The following ATP6V1E1 variants were observed in gnomAD, a reference collection of about 807,000 sequenced individuals.
ATP6V1E1 encodes the protein V-type proton ATPase subunit E 1.
A neutral mutation model predicts 35.2 loss-of-function variants in ATP6V1E1; 21 were observed. The observed-to-expected ratio is 0.60, with a 90% confidence interval of 0.42 to 0.86. The LOEUF (loss-of-function observed/expected upper bound fraction) is 0.86, where lower values mean the gene tolerates loss of function less well. Among genes scored for constraint, ATP6V1E1 ranks in the 40% least tolerant of loss-of-function variants. ATP6V1E1 has a pLI of 0.00. For synonymous variants in ATP6V1E1, 83 were observed against 87.8 expected (o/e 0.95, Z 0.30); for missense variants, 183 against 272.6 (o/e 0.67, Z 2.32).
chr22:17,609,964 A>T (rs9617601), intron 4 of ATP6V1E1, among the ~76,000 whole-genome samples: 10,687 of 152,162 alleles, frequency 0.07, 1,261 homozygotes, highest in African/African-American at 0.24. Context: ...TATCTATGCC[A>T]CTTCAAATTT....
chr22:17,593,186 C>T (rs74684242), intron 8 of ATP6V1E1, among the ~76,000 whole-genome samples: 6,327 of 152,084 alleles, frequency 0.042, 460 homozygotes, highest in African/African-American at 0.14. Flanking sequence ...CCCTCTCCTT[C>T]CCTGAAGCAA....
intron 4 of ATP6V1E1, among the ~76,000 whole-genome samples, chr22:17,607,459 T>C (rs1270684602): frequency 1.3e-5 from 2 of 152,162 alleles, no homozygotes; most frequent in Non-Finnish European, 2.9e-5. Context: ...CTTCATTCCA[T>C]CTACCAGTTG....
chr22:17,596,168 A>T lies in ATP6V1E1; in HGVS notation c.531-1552T>A, dbSNP rs557382747. On this transcript the variant is annotated intron_variant, in intron 7 of 8. Transcript: ENST00000253413. ...ATAAATAAATAAGATAAAAAATGCT[A>T]TGAGGTTAGTGCTAATACGTCAATT... 7.3e-5 allele frequency among the ~76,000 whole-genome samples: 11 copies of T among 150,948 alleles called. No individual in the cohort carries two copies. In the East Asian group the frequency reaches 2.1e-3, roughly 29 times the overall value.
chr22:17,598,615 T>TA (rs2057745351), intron 6 of ATP6V1E1, among the ~76,000 whole-genome samples: 1 of 151,010 alleles, frequency 6.6e-6, no homozygotes, highest in African/African-American at 2.4e-5. Flanking sequence ...AAGCTGGGGG[T>TA]AGGTAAGGAG....
intron 2 of ATP6V1E1, among the ~76,000 whole-genome samples, chr22:17,615,403 G>C (rs2057838804): frequency 6.6e-6 from 1 of 152,028 alleles, no homozygotes; most frequent in Non-Finnish European, 1.5e-5. Flanking sequence ...CCAGCACTTT[G>C]GGAGGCCGAG....
At chr22:17,600,399 T>C (rs1159717003) in intron 5 of ATP6V1E1, among the ~76,000 whole-genome samples, 1 of 152,082 alleles carries the variant, frequency 6.6e-6, no homozygotes, top group Non-Finnish European at 1.5e-5. Flanking sequence ...ATGATGTCAA[T>C]GCACTCCTGC....
intron 4 of ATP6V1E1, among the ~76,000 whole-genome samples, chr22:17,610,033 A>G (rs1403522775): frequency 6.6e-6 from 1 of 152,096 alleles, no homozygotes; most frequent in East Asian, 1.9e-4. Flanking sequence ...TAGGAGGCTG[A>G]GGTGGGAAGG....
intron 3 of ATP6V1E1, 117 bp downstream of exon 3, chr22:17,613,094 C>G (rs2057823357): frequency 3.3e-6 from 3 of 912,660 alleles, no homozygotes; most frequent in African/African-American, 3.4e-5. Context: ...AACAATTTGT[C>G]AGATTAGTAG....
At chr22:17,606,704 C>T (rs1331652557) in intron 4 of ATP6V1E1, among the ~76,000 whole-genome samples, 2 of 152,182 alleles carry the variant, frequency 1.3e-5, no homozygotes, top group African/African-American at 4.8e-5. Flanking sequence ...TCACCTCACA[C>T]GCACTTCTCC....
At chr22:17,599,587 A>AG (rs957195924) in intron 6 of ATP6V1E1, among the ~76,000 whole-genome samples, 3 of 150,276 alleles carry the variant, frequency 2.0e-5, no homozygotes, top group African/African-American at 7.3e-5. Context: ...CAAAAAAAAA[A>AG]AAAAAAAGGA....
intron 1 of ATP6V1E1, among the ~76,000 whole-genome samples, chr22:17,627,106 C>CTGCCT (rs2057912660): frequency 6.6e-6 from 1 of 152,132 alleles, no homozygotes; most frequent in African/African-American, 2.4e-5. Flanking sequence ...TCTCCTGCCT[C>CTGCCT]TGCCTCCTGA....
chr22:17,601,032 G>C (rs2057759250), intron 5 of ATP6V1E1, 60 bp downstream of exon 5: 1 of 1,385,714 alleles, frequency 7.2e-7, no homozygotes, highest in South Asian at 1.3e-5. Flanking sequence ...GTCTCTAATA[G>C]GCATTCTAAA....
chr22:17,608,843 T>C (rs2057798952), intron 4 of ATP6V1E1, among the ~76,000 whole-genome samples: 1 of 152,120 alleles, frequency 6.6e-6, no homozygotes, highest in South Asian at 2.1e-4. Flanking sequence ...TCCCAGCACT[T>C]TGGGAGGCCG....
At chr22:17,613,021 G>T in intron 3 of ATP6V1E1, 143 bp from the exon 4 acceptor site, 1 of 909,524 alleles carries the variant, frequency 1.1e-6, no homozygotes, top group Non-Finnish European at 1.7e-6. Flanking sequence ...TGCCCAGCCT[G>T]CAGTTTAATC....
rs1184791592 is a variant in ATP6V1E1, at chr22:17,613,328, G to T, written c.100-8C>A. 9 of 1,606,110 alleles carry T rather than the reference G, an allele frequency of 5.6e-6. No homozygotes were observed. The highest frequency in any genetic ancestry group is 7.7e-6 in the Non-Finnish European group (9 of 1,173,272). On this transcript the variant is annotated splice_region_variant and splice_polypyrimidine_tract_variant and intron_variant, in intron 2 of 8. Transcript: ENST00000253413. ...GTTGAACTCTTCTTCTGCCTAGAGG[G>T]AAATTAGTCAATATTAATTCATTAC...
intron 1 of ATP6V1E1, among the ~76,000 whole-genome samples, chr22:17,627,763 G>A (rs1386385965): frequency 6.8e-6 from 1 of 146,170 alleles, no homozygotes; most frequent in South Asian, 2.2e-4. Context: ...AGGTTGCAGT[G>A]AGCCGAGATC....
chr22:17,599,476 T>C (rs1236483014), intron 6 of ATP6V1E1, among the ~76,000 whole-genome samples: 1 of 145,730 alleles, frequency 6.9e-6, no homozygotes. Flanking sequence ...CTTGGGAGGC[T>C]GAGGCAGGAG....
At chr22:17,623,218 G>A (rs2057887007) in intron 1 of ATP6V1E1, among the ~76,000 whole-genome samples, 1 of 152,074 alleles carries the variant, frequency 6.6e-6, no homozygotes, top group African/African-American at 2.4e-5. Flanking sequence ...ACAATATCTT[G>A]AGCCTTGAAA....
chr22:17,628,715 A>G lies in ATP6V1E1; in HGVS notation c.-80T>C. On this transcript the variant is annotated 5_prime_UTR_variant, in exon 1 of 9. Coordinates refer to ENST00000253413, the MANE Select transcript of ATP6V1E1 (RefSeq NM_001696.4). Reference sequence around the variant, plus strand: ...TGAGGTGAGAGAAATCGGCAAAGGGAACCCCTGCGCAGATCTCGGGTTCCT... The same window carrying G: ...TGAGGTGAGAGAAATCGGCAAAGGGGACCCCTGCGCAGATCTCGGGTTCCT... 6.3e-7 allele frequency: 1 copy of G among 1,586,500 alleles called. No individual in the cohort carries two copies. Among genetic ancestry groups the G allele is most frequent in the Non-Finnish European group, 8.7e-7 (1 of 1,155,546 alleles).
Sources: gnomAD v4.1 joint callset for allele counts (sites outside exome capture counted in the v4.1 genomes callset) on GRCh38, gnomAD v4.1.1 for gene constraint, MANE v1.5 for transcripts, NCBI Gene and HGNC (gene_info 2026-07-23, HGNC 2026-07-21) for gene names.